The following CTNNA3 variants were observed in gnomAD, a reference collection of about 807,000 sequenced individuals.
CTNNA3 encodes the protein catenin alpha 3.
CTNNA3 carries 76 observed loss-of-function variants against 95.7 expected under a neutral mutation model. That is an observed-to-expected ratio of 0.79 (90% CI 0.66 to 0.96). CTNNA3 has a LOEUF of 0.96. Ranked by LOEUF, CTNNA3 falls within the 40% of genes least tolerant of loss-of-function variation. CTNNA3 has a pLI of 0.00. For missense variants in CTNNA3, 1,191 were observed against 1,089.8 expected, an observed-to-expected ratio of 1.09 and a Z score of -1.31; for synonymous variants, 431 against 374.4, an observed-to-expected ratio of 1.15 and a Z score of -1.74.
chr10:67,300,174 G>T (rs886156253), intron 5 of CTNNA3, among the ~76,000 whole-genome samples: 1 of 152,076 alleles, frequency 6.6e-6, no homozygotes. Context: ...TTAAAAAACC[G>T]CTCCCCCCAC....
In CTNNA3 at chr10:67,625,742, A is replaced by T. The variant is rs114770680; in HGVS notation, c.100-18693T>A. ...TCAATTGCCTGCTTTGGATCCATCT[A>T]GGATCTGCAAAAAGCACTCTGGCCT... is the stretch of plus-strand genomic sequence containing the variant. On this transcript the variant is annotated intron_variant, in intron 2 of 17. Coordinates refer to ENST00000433211, the MANE Select transcript of CTNNA3 (RefSeq NM_013266.4). 8.9e-3 allele frequency among the ~76,000 whole-genome samples: 1,209 copies of T among 136,236 alleles called. 22 individuals carry two copies. Among genetic ancestry groups the T allele is most frequent in the African/African-American group, 0.041 (1,156 of 28,536 alleles). The allele number at this position is 136,236 out of a possible 152,430, so 89.4% of individuals were successfully genotyped here. A position where few individuals can be genotyped will look rare whatever the true frequency, so the allele number is the denominator to read the frequency against.
chr10:66,336,817 T>G (rs1296987371), intron 12 of CTNNA3, among the ~76,000 whole-genome samples: 7 of 152,040 alleles, frequency 4.6e-5, no homozygotes, highest in Admixed American at 3.9e-4. Flanking sequence ...TCTCAAAGAG[T>G]GGTCCAGGGC....
At chr10:67,182,941 C>T (rs903109655) in intron 6 of CTNNA3, among the ~76,000 whole-genome samples, 7 of 152,288 alleles carry the variant, frequency 4.6e-5, no homozygotes, top group African/African-American at 1.4e-4. Context: ...TGAAAAAATG[C>T]TCATCATCAC....
chr10:66,275,272 C>A (rs2091369406), intron 13 of CTNNA3, among the ~76,000 whole-genome samples: 1 of 152,158 alleles, frequency 6.6e-6, no homozygotes, highest in South Asian at 2.1e-4. Context: ...CACGCACCAT[C>A]ATGCCCAGCT....
Position 66,927,750 on chromosome 10 carries a change from G to T in CTNNA3, c.1048-152226C>A, listed in dbSNP as rs776144084. On this transcript the variant is annotated intron_variant, in intron 7 of 17. Transcript: ENST00000433211. The surrounding 1 kb of genome is among the most constrained non-coding windows in gnomAD (Gnocchi z 4.7). ...GACCCAGTGTTTTCCAGTGTGTCCC[G>T]AATCTGCAGCGCCTCAACCTGGATT... 1.1e-5 allele frequency: 18 copies of T among 1,614,138 alleles called. No homozygotes were observed. The highest frequency in any genetic ancestry group is 1.3e-5 in the Non-Finnish European group (15 of 1,180,020).
chr10:66,275,016 T>C (rs1186993312), intron 13 of CTNNA3, among the ~76,000 whole-genome samples: 1 of 152,188 alleles, frequency 6.6e-6, no homozygotes, highest in Non-Finnish European at 1.5e-5. Flanking sequence ...ACTTTATAAA[T>C]AATATTTTCT....
At chr10:67,113,732 A>G (rs1859025016) in intron 7 of CTNNA3, among the ~76,000 whole-genome samples, 1 of 152,194 alleles carries the variant, frequency 6.6e-6, no homozygotes, top group Admixed American at 6.5e-5. Context: ...GAGAAGGTGG[A>G]AGAATAAATG....
chr10:67,712,093 A>C (rs573116722), intron 1 of CTNNA3, among the ~76,000 whole-genome samples: 1 of 152,152 alleles, frequency 6.6e-6, no homozygotes, highest in East Asian at 1.9e-4. Context: ...ACGTATGTTT[A>C]TTGCAGCATT....
intron 1 of CTNNA3, among the ~76,000 whole-genome samples, chr10:67,688,771 C>G (rs1840785191): frequency 6.6e-6 from 1 of 152,094 alleles, no homozygotes; most frequent in African/African-American, 2.4e-5. Flanking sequence ...CCCCAAGAAC[C>G]CACAATAGTC....
rs555692917 is a variant in CTNNA3, at chr10:65,962,395, C to A, written c.2400+4217G>T. Among the ~76,000 whole-genome samples, 23 of 152,084 alleles carry A rather than the reference C, an allele frequency of 1.5e-4. No homozygotes were observed. The South Asian group carries it at 2.3e-3, about 15-fold the overall frequency. ...CTAAGTAAACTATTTAACCTCAAAA[C>A]CTTTAGGAAATTCTTAATTCTTTCT... On this transcript the variant is annotated intron_variant, in intron 17 of 17. Transcript: ENST00000433211.
chr10:67,621,809 A>G (rs1357714901), intron 2 of CTNNA3, among the ~76,000 whole-genome samples: 2 of 152,052 alleles, frequency 1.3e-5, no homozygotes, highest in Non-Finnish European at 2.9e-5. Flanking sequence ...CTTCCAAGAC[A>G]TAGAAGGGGC....
intron 7 of CTNNA3, among the ~76,000 whole-genome samples, chr10:67,069,360 CTTT>C (rs914214103): frequency 6.6e-6 from 1 of 151,896 alleles, no homozygotes; most frequent in Non-Finnish European, 1.5e-5. Flanking sequence ...CATCCAACTT[CTTT>C]ATTTGAATAT....
intron 9 of CTNNA3, among the ~76,000 whole-genome samples, chr10:66,745,972 G>T (rs981391722): frequency 1.3e-5 from 2 of 152,052 alleles, no homozygotes; most frequent in African/African-American, 4.8e-5. Flanking sequence ...CCATGATAAG[G>T]CATTAGATAA....
At chr10:67,161,099 A>C (rs560779398) in intron 7 of CTNNA3, among the ~76,000 whole-genome samples, 1 of 152,098 alleles carries the variant, frequency 6.6e-6, no homozygotes, top group Non-Finnish European at 1.5e-5. Flanking sequence ...AGTTATAGAG[A>C]TATGTTGTCC....
intron 7 of CTNNA3, among the ~76,000 whole-genome samples, chr10:66,997,165 G>C (rs1291046555): frequency 6.6e-6 from 1 of 152,064 alleles, no homozygotes. Context: ...CAAGCATTTG[G>C]CAAAACAACC....
At chr10:67,543,050 C>A (rs888586784) in intron 3 of CTNNA3, among the ~76,000 whole-genome samples, 22 of 151,906 alleles carry the variant, frequency 1.4e-4, no homozygotes, top group African/African-American at 5.1e-4. Context: ...ATAAAAATAA[C>A]TACATTTTTT....
chr10:67,217,597 T>C (rs1490724627), intron 6 of CTNNA3, among the ~76,000 whole-genome samples: 2 of 152,120 alleles, frequency 1.3e-5, no homozygotes, highest in African/African-American at 4.8e-5. Flanking sequence ...ACACGCACAC[T>C]TTCTCCTCCT....
chr10:67,078,710 G>GA (rs1404011882), intron 7 of CTNNA3, among the ~76,000 whole-genome samples: 5 of 151,994 alleles, frequency 3.3e-5, no homozygotes, highest in Admixed American at 2.0e-4. Context: ...TAGACATGGG[G>GA]TTTCACCATG....
intron 7 of CTNNA3, among the ~76,000 whole-genome samples, chr10:66,831,777 C>A (rs1395414811): frequency 6.6e-6 from 1 of 152,032 alleles, no homozygotes; most frequent in African/African-American, 2.4e-5. Flanking sequence ...AGCATGAAAA[C>A]AATCCACTAT....
Sources: gnomAD v4.1 joint callset for allele counts (sites outside exome capture counted in the v4.1 genomes callset) on GRCh38, gnomAD v4.1.1 for gene constraint, Gnocchi (gnomAD v3.1) non-coding constraint, MANE v1.5 for transcripts, NCBI Gene and HGNC (gene_info 2026-07-23, HGNC 2026-07-21) for gene names.